KCNB2: variants seen among roughly 807,000 people sequenced by gnomAD.
The protein encoded by KCNB2 is potassium voltage-gated channel subfamily B member 2, also known as delayed rectifier potassium channel protein.
Under a neutral mutation model 61.5 loss-of-function variants are expected in KCNB2, and 15 were observed. That is an observed-to-expected ratio of 0.24 (90% confidence interval 0.16 to 0.38). KCNB2 has a LOEUF of 0.38. Ranked by LOEUF, KCNB2 falls within the 10% of genes least tolerant of loss-of-function variation. The pLI, the probability that KCNB2 is intolerant of heterozygous loss-of-function variation, is 1.00. For synonymous variants in KCNB2, 457 were observed against 446.0 expected, an observed-to-expected ratio of 1.02 and a Z score of -0.31; for missense variants, 828 against 1,125.2, an observed-to-expected ratio of 0.74 and a Z score of 3.78.
chr8:72,624,652 G>T (rs1178449733), intron 2 of KCNB2, among the ~76,000 whole-genome samples: 1 of 152,142 alleles, frequency 6.6e-6, no homozygotes, highest in African/African-American at 2.4e-5. Context: ...CATTTGTTTG[G>T]TCAACACATC....
At chr8:72,764,091 A>G (rs1808425936) in intron 2 of KCNB2, among the ~76,000 whole-genome samples, 1 of 152,132 alleles carries the variant, frequency 6.6e-6, no homozygotes, top group East Asian at 1.9e-4. Context: ...ATCCTGGAAT[A>G]TGATTTCAGG....
intron 2 of KCNB2, among the ~76,000 whole-genome samples, chr8:72,583,368 G>A (rs1308576644): frequency 6.6e-6 from 1 of 151,948 alleles, no homozygotes; most frequent in African/African-American, 2.4e-5. Flanking sequence ...ATTGCTAAGA[G>A]TAAAATTGTA....
At chr8:72,669,952 A>G (rs545904845) in intron 2 of KCNB2, among the ~76,000 whole-genome samples, 1 of 152,360 alleles carries the variant, frequency 6.6e-6, no homozygotes, top group East Asian at 1.9e-4. Flanking sequence ...AGCATCATAC[A>G]GAGAACACCT....
chr8:72,816,559 T>C (rs1470260147), intron 2 of KCNB2, among the ~76,000 whole-genome samples: 1 of 152,220 alleles, frequency 6.6e-6, no homozygotes, highest in Admixed American at 6.5e-5. Context: ...AATGGTAATA[T>C]GTCTCTGAAA....
chr8:72,899,086 A>G (rs571598333), intron 2 of KCNB2, among the ~76,000 whole-genome samples: 240 of 152,326 alleles, frequency 1.6e-3, no homozygotes, highest in Non-Finnish European at 2.7e-3. Context: ...GGCAGGTTCA[A>G]CATATGCAAA....
intron 2 of KCNB2, among the ~76,000 whole-genome samples, chr8:72,610,260 G>C (rs942930846): frequency 1.3e-5 from 2 of 152,164 alleles, no homozygotes; most frequent in Non-Finnish European, 2.9e-5. Context: ...GAAGGGTTTA[G>C]CATTCGAGTG....
chr8:72,936,895 G>T lies in KCNB2; in HGVS notation c.1540G>T (p.Glu514Ter). The change falls in exon 3 of 3, where the codon GAG becomes TAG. Residue 514 changes from glutamate (E) to a stop codon, truncating the protein, a stop_gained. Transcript: ENST00000523207. LOFTEE classifies it high-confidence loss of function. This position sits in a 1 kb window ranked among gnomAD's most constrained non-coding sequence, Gnocchi z 5.6. ...CAAGTCTTTCGAGAATAAGTACCAG[G>T]AGGTTAGCCAAAAAGACTCCCACGA... The part of the protein sequence containing the change: ...SNKSFENKYQ[E>*]VSQKDSHEQL... 1 of 1,614,138 alleles carries T rather than the reference G, an allele frequency of 6.2e-7. No individual in the cohort carries two copies.
chr8:72,546,459 G>GTGAGCCGAGAT (rs1806259310), intron 1 of KCNB2, among the ~76,000 whole-genome samples: 1 of 151,578 alleles, frequency 6.6e-6, no homozygotes, highest in Admixed American at 6.6e-5. Context: ...GGAGGTTGCA[G>GTGAGCCGAGAT]TGAGCCGAGA....
chr8:72,711,599 G>A lies in KCNB2; in HGVS notation c.579+143286G>A, dbSNP rs576542882. Among the ~76,000 whole-genome samples, 3 of 152,322 alleles carry A rather than the reference G, an allele frequency of 2.0e-5. No individual in the cohort carries two copies. In the South Asian group the frequency reaches 6.2e-4, roughly 32 times the overall value. ...TATGATGTACCCTAGAGGATGAATA[G>A]CCAGGCAAAGACAAAGATGGTGCAC... is the stretch of plus-strand genomic sequence containing the variant. On this transcript the variant is annotated intron_variant, in intron 2 of 2. Coordinates refer to ENST00000523207, the MANE Select transcript of KCNB2 (RefSeq NM_004770.3).
intron 2 of KCNB2, among the ~76,000 whole-genome samples, chr8:72,610,710 C>T (rs1340142687): frequency 6.6e-6 from 1 of 152,198 alleles, no homozygotes; most frequent in East Asian, 1.9e-4. Flanking sequence ...TTACGGAATT[C>T]AGACATCATT....
At chr8:72,541,996 A>G (rs1404128049) in intron 1 of KCNB2, among the ~76,000 whole-genome samples, 3 of 152,108 alleles carry the variant, frequency 2.0e-5, no homozygotes, top group Admixed American at 6.6e-5. Flanking sequence ...GAATATTTCA[A>G]TAGAAATTAA....
chr8:72,745,068 C>G (rs1288147639), intron 2 of KCNB2, among the ~76,000 whole-genome samples: 1 of 152,202 alleles, frequency 6.6e-6, no homozygotes, highest in Non-Finnish European at 1.5e-5. Flanking sequence ...GCAGCTCTCT[C>G]TTTCACCTCC....
chr8:72,621,257 A>G (rs1259955850), intron 2 of KCNB2, among the ~76,000 whole-genome samples: 1 of 152,186 alleles, frequency 6.6e-6, no homozygotes, highest in Non-Finnish European at 1.5e-5. Context: ...CCTCCCATAC[A>G]TACCAAGAAG....
intron 2 of KCNB2, among the ~76,000 whole-genome samples, chr8:72,780,979 G>A (rs1382924310): frequency 6.6e-6 from 1 of 152,246 alleles, no homozygotes; most frequent in Middle Eastern, 3.4e-3. Context: ...GATCAGTGAT[G>A]CTGAGCTTTT....
chr8:72,709,698 C>T (rs1362283810), intron 2 of KCNB2, among the ~76,000 whole-genome samples: 1 of 152,030 alleles, frequency 6.6e-6, no homozygotes, highest in African/African-American at 2.4e-5. Flanking sequence ...GATCCAGTCA[C>T]CTCCCACCAG....
intron 2 of KCNB2, among the ~76,000 whole-genome samples, chr8:72,807,004 G>A (rs1809235806): frequency 6.6e-6 from 1 of 152,106 alleles, no homozygotes. Flanking sequence ...CATCTTAATG[G>A]TGGCTAGAAT....
intron 2 of KCNB2, among the ~76,000 whole-genome samples, chr8:72,597,982 A>G (rs1374980563): frequency 1.3e-5 from 2 of 152,204 alleles, no homozygotes; most frequent in Non-Finnish European, 2.9e-5. Context: ...TACTTGATAT[A>G]TACCCAAAGG....
chr8:72,739,276 T>C (rs1188458193), intron 2 of KCNB2, among the ~76,000 whole-genome samples: 1 of 151,858 alleles, frequency 6.6e-6, no homozygotes, highest in Non-Finnish European at 1.5e-5. Context: ...TAAATATTTA[T>C]TGAACACCTA....
At chr8:72,642,352 A>T (rs908020202) in intron 2 of KCNB2, among the ~76,000 whole-genome samples, 3 of 152,140 alleles carry the variant, frequency 2.0e-5, no homozygotes, top group Middle Eastern at 3.2e-3. Flanking sequence ...TTTTAAAAAG[A>T]TGACTGTTAG....
Sources: allele counts gnomAD v4.1 joint callset (sites outside exome capture counted in the v4.1 genomes callset), GRCh38; gene constraint gnomAD v4.1.1; non-coding constraint Gnocchi (gnomAD v3.1); transcripts MANE v1.5; gene names NCBI Gene and HGNC (gene_info 2026-07-23, HGNC 2026-07-21).